Variants in BTD observed in about 807,000 individuals in gnomAD.
BTD encodes biocytinase.
A neutral mutation model predicts 17.7 loss-of-function variants in BTD; 13 were observed. The ratio of observed to expected loss-of-function variants is 0.74; its 90% confidence interval spans 0.48 to 1.17. BTD has a LOEUF of 1.17. Ranked by LOEUF, BTD falls within the 50% of genes most tolerant of loss-of-function variation. The probability of loss-of-function intolerance (pLI) is 0.00; values close to 1 mark genes in which losing one functional copy is unlikely to be tolerated. For synonymous variants in BTD, 240 were observed against 245.2 expected, an observed-to-expected ratio of 0.98 and a Z score of 0.20; for missense variants, 674 against 650.4, an observed-to-expected ratio of 1.04 and a Z score of -0.39.
At chr3:15,711,393 T>G in exon 4 of BTD, 1 of 781,286 alleles carries the variant, frequency 1.3e-6, no homozygotes, top group Non-Finnish European at 2.1e-6. Context: ...TATGGGTTCT[T>G]AAGTGCTAGA....
chr3:15,608,853 T>C (rs2064534915), intron 1 of BTD, among the ~76,000 whole-genome samples: 1 of 152,198 alleles, frequency 6.6e-6, no homozygotes, highest in South Asian at 2.1e-4. Flanking sequence ...GGCAAGCAGC[T>C]ATCACCCATG....
chr3:15,625,776 C>T (rs1281578238), intron 1 of BTD, among the ~76,000 whole-genome samples: 1 of 152,086 alleles, frequency 6.6e-6, no homozygotes, highest in Admixed American at 6.5e-5. Flanking sequence ...AGGATGGTCT[C>T]GATCTCTTGA....
At chr3:15,670,257 C>T (rs2066210746) in intron 3 of BTD, 1 of 1,608,362 alleles carries the variant, frequency 6.2e-7, no homozygotes, top group Non-Finnish European at 8.5e-7. Context: ...AGAACTCCCT[C>T]CTCCTCAGCC....
chr3:15,615,013 C>T (rs1301933329), intron 1 of BTD, among the ~76,000 whole-genome samples: 3 of 152,104 alleles, frequency 2.0e-5, no homozygotes, highest in Non-Finnish European at 4.4e-5. Flanking sequence ...TTGTTGGGGG[C>T]CTGATTTTGC....
intron 3 of BTD, among the ~76,000 whole-genome samples, chr3:15,674,399 T>A (rs980297587): frequency 2.4e-5 from 1 of 41,864 alleles, no homozygotes; most frequent in East Asian, 2.6e-3. Flanking sequence ...CCTGAGCCAC[T>A]GTTAAGAATG....
chr3:15,677,461 T>C (rs1315124130), intron 3 of BTD: 6 of 1,568,148 alleles, frequency 3.8e-6, no homozygotes, highest in Non-Finnish European at 5.2e-6. Context: ...GGAAACATAT[T>C]CTTAAGATGT....
chr3:15,702,992 T>C (rs973515922), intron 3 of BTD, among the ~76,000 whole-genome samples: 10 of 152,272 alleles, frequency 6.6e-5, no homozygotes, highest in African/African-American at 1.9e-4. Context: ...ACAGATTAAA[T>C]AGGCACAGAG....
At chr3:15,673,437 A>C (rs2066582906) in intron 3 of BTD, among the ~76,000 whole-genome samples, 1 of 152,268 alleles carries the variant, frequency 6.6e-6, no homozygotes, top group South Asian at 2.1e-4. Flanking sequence ...CTAAGAATAT[A>C]TCAGTGAATG....
At chr3:15,684,978 G>T in intron 3 of BTD, 1 of 479,934 alleles carries the variant, frequency 2.1e-6, no homozygotes, top group East Asian at 3.8e-5. Flanking sequence ...GAAAAGAAAA[G>T]AAAAGAAAAA....
exon 4 of BTD, among the ~76,000 whole-genome samples, chr3:15,710,969 C>G (rs998831580): frequency 6.6e-6 from 1 of 152,098 alleles, no homozygotes; most frequent in Non-Finnish European, 1.5e-5. Flanking sequence ...TGTTCTTTTA[C>G]AGAAGGCAGT....
chr3:15,605,736 T>C (rs763851430), intron 1 of BTD, among the ~76,000 whole-genome samples: 2 of 152,058 alleles, frequency 1.3e-5, no homozygotes, highest in Non-Finnish European at 2.9e-5. Context: ...TCAAGTAAAA[T>C]TGACATTCCA....
chr3:15,667,880 T>C (rs181747037), intron 3 of BTD: 3 of 152,338 alleles, frequency 2.0e-5, no homozygotes, highest in Non-Finnish European at 2.9e-5. Context: ...TGTCACTTTA[T>C]AGCTACACCT....
intron 2 of BTD, among the ~76,000 whole-genome samples, chr3:15,639,529 T>C (rs570122442): frequency 6.6e-6 from 1 of 152,294 alleles, no homozygotes; most frequent in South Asian, 2.1e-4. Context: ...GGTAATGTCC[T>C]ATAGGGCAAA....
At chr3:15,695,241 T>C (rs1412418126) in intron 3 of BTD, 3 of 1,527,432 alleles carry the variant, frequency 2.0e-6, no homozygotes, top group Non-Finnish European at 2.7e-6. Context: ...AACAAAAATA[T>C]TTAGCTTGGG....
At chr3:15,605,014 G>A (rs956043988) in intron 1 of BTD, among the ~76,000 whole-genome samples, 3 of 152,070 alleles carry the variant, frequency 2.0e-5, no homozygotes, top group South Asian at 4.1e-4. Flanking sequence ...CTTCTTCTGA[G>A]CCCTCCAAAC....
intron 1 of BTD, among the ~76,000 whole-genome samples, chr3:15,614,135 T>C (rs1220101643): frequency 6.6e-6 from 1 of 150,450 alleles, no homozygotes; most frequent in Non-Finnish European, 1.5e-5. Flanking sequence ...CTTTTTTTTT[T>C]TTTTTTAAGT....
At chr3:15,612,685 T>C (rs2064671201) in intron 1 of BTD, among the ~76,000 whole-genome samples, 1 of 144,806 alleles carries the variant, frequency 6.9e-6, no homozygotes. Context: ...ATTACATCTT[T>C]AATTTTTTTT....
intron 1 of BTD, among the ~76,000 whole-genome samples, chr3:15,602,872 C>G (rs548306099): frequency 6.6e-6 from 1 of 152,080 alleles, no homozygotes. Context: ...TAAAGAAATA[C>G]CCAAAACTGG....
chr3:15,622,468 A>G (rs1475589405), intron 1 of BTD, among the ~76,000 whole-genome samples: 1 of 152,144 alleles, frequency 6.6e-6, no homozygotes, highest in Non-Finnish European at 1.5e-5. Context: ...TATGGCTCAC[A>G]GTGTGTTTTG....
Sources: gnomAD v4.1 joint callset for allele counts (sites outside exome capture counted in the v4.1 genomes callset) on GRCh38, gnomAD v4.1.1 for gene constraint, MANE v1.5 for transcripts, NCBI Gene and HGNC (gene_info 2026-07-23, HGNC 2026-07-21) for gene names.